PFKP: variants seen among roughly 807,000 people sequenced by gnomAD.
PFKP encodes the protein ATP-dependent 6-phosphofructokinase, platelet type.
A neutral mutation model predicts 94.3 loss-of-function variants in PFKP; 101 were observed. That is an observed-to-expected ratio of 1.07 (90% CI 0.91 to 1.26). The LOEUF is 1.26. Among genes scored for constraint, PFKP ranks in the 50% most tolerant of loss-of-function variants. The pLI is 0.00. For missense variants in PFKP, 1,145 were observed against 1,103.3 expected (o/e 1.04, Z -0.53); for synonymous variants, 573 against 432.6 (o/e 1.32, Z -4.03).
At chr10:3,110,831 T>C (rs1226207638) in intron 10 of PFKP, among the ~76,000 whole-genome samples, 3 of 152,030 alleles carry the variant, frequency 2.0e-5, no homozygotes, top group African/African-American at 7.3e-5. Flanking sequence ...TCTGCATGTA[T>C]GTGTATGTTT....
At position 3,136,622 on chromosome 10, in the gene PFKP, T is replaced by C. The variant is rs1052929; in HGVS notation, c.*43T>C. ...GTGCCTGCAGCCACCGTGGACTGTCTGTTTTTGTAACACTTAAGTTATTTT... is the reference window on the plus strand; with the variant it reads ...GTGCCTGCAGCCACCGTGGACTGTCCGTTTTTGTAACACTTAAGTTATTTT... On this transcript the variant is annotated 3_prime_UTR_variant, in exon 22 of 22. Transcript: ENST00000381125. 5 of 1,597,834 alleles carry C rather than the reference T, an allele frequency of 3.1e-6. No homozygotes were observed. The highest frequency in any genetic ancestry group is 2.7e-5 in the African/African-American group (2 of 73,630).
intron 3 of PFKP, among the ~76,000 whole-genome samples, chr10:3,100,602 C>T (rs549619593): frequency 6.6e-6 from 1 of 152,274 alleles, no homozygotes; most frequent in African/African-American, 2.4e-5. Flanking sequence ...GCCTCCAGTG[C>T]AGAGACAACC....
chr10:3,073,830 T>TGTTTG (rs1564257988), intron 1 of PFKP, among the ~76,000 whole-genome samples: 57 of 150,692 alleles, frequency 3.8e-4, no homozygotes, highest in African/African-American at 1.4e-3. Context: ...TGTGTGTTTT[T>TGTTTG]TTTGTTTGTT....
At chr10:3,096,697 C>G (rs1834508715) in intron 2 of PFKP, among the ~76,000 whole-genome samples, 1 of 151,842 alleles carries the variant, frequency 6.6e-6, no homozygotes, top group Non-Finnish European at 1.5e-5. Context: ...GTCAGGATCA[C>G]TGCAGATGGC....
At chr10:3,098,334 A>G (rs1163650151) in intron 2 of PFKP, among the ~76,000 whole-genome samples, 63 of 152,044 alleles carry the variant, frequency 4.1e-4, no homozygotes, top group Admixed American at 4.1e-3. Flanking sequence ...GCATTTCCTG[A>G]TCTTGTATAT....
At chr10:3,092,428 T>C (rs899629138) in intron 2 of PFKP, among the ~76,000 whole-genome samples, 1 of 151,984 alleles carries the variant, frequency 6.6e-6, no homozygotes, top group Non-Finnish European at 1.5e-5. Flanking sequence ...TGCAAACATA[T>C]GCTTAGATAG....
rs1277479771 is a variant in PFKP, at chr10:3,132,366, A to C, written c.1849-14A>C. Reference sequence around the variant, plus strand: ...AGAAGTTTATTGTCTGATTAACAAAATACTCTCTTCCAGTCCAACGTGGAG... The same window carrying C: ...AGAAGTTTATTGTCTGATTAACAAACTACTCTCTTCCAGTCCAACGTGGAG... On this transcript the variant is annotated splice_polypyrimidine_tract_variant and intron_variant, in intron 17 of 21. Transcript: ENST00000381125. 1.3e-6 allele frequency: 2 copies of C among 1,595,736 alleles called. No homozygotes were observed. The highest frequency in any genetic ancestry group is 4.5e-5 in the East Asian group (2 of 44,770).
chr10:3,093,595 T>C (rs1318762189), intron 2 of PFKP, among the ~76,000 whole-genome samples: 1 of 151,200 alleles, frequency 6.6e-6, no homozygotes, highest in Non-Finnish European at 1.5e-5. Flanking sequence ...TCCAACAAAA[T>C]TGACACATCC....
At position 3,118,800 on chromosome 10, in the gene PFKP, C is replaced by T. The variant is rs771857459; in HGVS notation, c.1461C>T (p.Tyr487=). ...TTTTCAGCGTTCTCCCGGGGAAGTACTTGGAAGAGATCGCCACACAGATGC... is the reference window on the plus strand; with the variant it reads ...TTTTCAGCGTTCTCCCGGGGAAGTATTTGGAAGAGATCGCCACACAGATGC... The part of the protein sequence containing the change: ...LGTKRVLPGK[Y]LEEIATQMRT... Residue 487 remains tyrosine (Y), a synonymous_variant, in exon 15 of 22, where the codon TAC becomes TAT. Transcript: ENST00000381125. The T allele has an allele frequency of 6.2e-7, 1 of 1,613,652 alleles. No homozygotes were observed. The highest frequency in any genetic ancestry group is 1.1e-5 in the South Asian group (1 of 90,992).
At chr10:3,121,793 C>CTTTTTTTTTATTTTTT (rs140725084) in intron 16 of PFKP, among the ~76,000 whole-genome samples, 1 of 96,878 alleles carries the variant, frequency 1.0e-5, no homozygotes, top group Non-Finnish European at 2.0e-5. Flanking sequence ...TAAACAATTT[C>CTTTTTTTTTATTTTTT]TTTTTTTTTC....
intron 13 of PFKP, among the ~76,000 whole-genome samples, chr10:3,115,330 G>GAGAA (rs1564327051): frequency 4.6e-5 from 6 of 131,324 alleles, no homozygotes; most frequent in African/African-American, 1.4e-4. Flanking sequence ...GTGTCCCACG[G>GAGAA]CGGAGGACAG....
At position 3,133,264 on chromosome 10, in the gene PFKP, G is replaced by A. The variant is rs761260051; in HGVS notation, c.1972G>A (p.Gly658Ser). 3.1e-6 allele frequency: 5 copies of A among 1,614,168 alleles called. No homozygotes were observed. The Admixed American group carries it at 8.3e-5, about 27-fold the overall frequency. ...CATTTACCAGCTGTATTCAGAAGAG[G>A]GCAAAGGCGTGTTTGACTGCAGGAA... Reference protein sequence around the residue: ...DFIYQLYSEEGKGVFDCRKNV... With the variant: ...DFIYQLYSEESKGVFDCRKNV... The change falls in exon 19 of 22, where the codon GGC becomes AGC. Residue 658 changes from glycine to serine, a missense_variant. Gly to Ser is a moderately conservative substitution (Grantham distance 56). Around this residue, in one of 3 missense-constraint regions of PFKP, gnomAD observed 1,119 missense variants for 1,062.8 expected, o/e 1.05. Transcript: ENST00000381125.
intron 15 of PFKP, among the ~76,000 whole-genome samples, chr10:3,119,079 G>T (rs141433931): frequency 0.12 from 17,637 of 148,730 alleles, 1,065 homozygotes; most frequent in Admixed American, 0.15. Context: ...ACTTAACCGA[G>T]AAGCAAAAGC....
At chr10:3,124,485 C>CTGTGCGGCTTTG (rs541148640) in intron 16 of PFKP, among the ~76,000 whole-genome samples, 1 of 152,266 alleles carries the variant, frequency 6.6e-6, no homozygotes, top group African/African-American at 2.4e-5. Flanking sequence ...TCTTGCTCGC[C>CTGTGCGGCTTTG]TGTGCGGCTT....
At chr10:3,086,453 G>T (rs1279367582) in intron 2 of PFKP, among the ~76,000 whole-genome samples, 1 of 152,240 alleles carries the variant, frequency 6.6e-6, no homozygotes, top group Admixed American at 6.5e-5. Flanking sequence ...AGTAGGGAGT[G>T]ATTTACCCCC....
rs78753628 is a variant in PFKP, at chr10:3,093,616, T to C, written c.187-5659T>C. Among the ~76,000 whole-genome samples, 252 of 148,896 alleles carry C rather than the reference T, an allele frequency of 1.7e-3. 1 individual carries two copies. Among genetic ancestry groups the C allele is most frequent in the African/African-American group, 6.1e-3 (247 of 40,376 alleles). Reference sequence around the variant, plus strand: ...AAAATTGACACATCCAGGGTGACGATAACCACAGGAACAAGCATTATCTTT... The same window carrying C: ...AAAATTGACACATCCAGGGTGACGACAACCACAGGAACAAGCATTATCTTT... On this transcript the variant is annotated intron_variant, in intron 2 of 21. Transcript: ENST00000381125.
chr10:3,129,816 C>A lies in PFKP; in HGVS notation c.1684-3C>A. 1 of 1,613,332 alleles carries A rather than the reference C, an allele frequency of 6.2e-7. No homozygotes were observed. Among genetic ancestry groups the A allele is most frequent in the Middle Eastern group, 1.7e-4 (1 of 6,046 alleles). On this transcript the variant is annotated splice_region_variant and splice_polypyrimidine_tract_variant and intron_variant, in intron 16 of 21. Coordinates refer to ENST00000381125, the MANE Select transcript of PFKP (RefSeq NM_002627.5). Reference sequence around the variant, plus strand: ...GAGTGACTGATCGCTTCTCTGTGACCAGACCTGCGACCGCATCAAGCAGTC... The same window carrying A: ...GAGTGACTGATCGCTTCTCTGTGACAAGACCTGCGACCGCATCAAGCAGTC...
chr10:3,134,124 ATAG>A (rs1301489940), intron 19 of PFKP, among the ~76,000 whole-genome samples: 3 of 152,242 alleles, frequency 2.0e-5, no homozygotes, highest in Non-Finnish European at 2.9e-5. Flanking sequence ...TGATGATGAA[ATAG>A]TAGGCATATG....
intron 16 of PFKP, among the ~76,000 whole-genome samples, chr10:3,127,330 C>A (rs1043829696): frequency 8.5e-5 from 13 of 152,206 alleles, no homozygotes; most frequent in Non-Finnish European, 1.3e-4. Flanking sequence ...CTGGCGGGAC[C>A]AGAACTCAGA....
Sources: gnomAD v4.1 joint callset for allele counts (sites outside exome capture counted in the v4.1 genomes callset) on GRCh38, gnomAD v4.1.1 for gene constraint, gnomAD v4.1.1 regional missense constraint, MANE v1.5 for transcripts, NCBI Gene and HGNC (gene_info 2026-07-23, HGNC 2026-07-21) for gene names.